The following LYPLAL1 variants were observed in gnomAD, a reference collection of about 807,000 sequenced individuals.
LYPLAL1 encodes lysophospholipase-like protein 1.
LYPLAL1 carries 23 observed loss-of-function variants against 19.7 expected under a neutral mutation model. The observed-to-expected ratio is 1.17, with a 90% confidence interval of 0.84 to 1.65. LYPLAL1 has a LOEUF of 1.65. Ranked by LOEUF, LYPLAL1 falls within the 40% of genes most tolerant of loss-of-function variation. The probability of loss-of-function intolerance (pLI) is 0.00; values close to 1 mark genes in which losing one functional copy is unlikely to be tolerated. For synonymous variants in LYPLAL1, 119 were observed against 96.3 expected, an observed-to-expected ratio of 1.24 and a Z score of -1.38; for missense variants, 355 against 279.4, an observed-to-expected ratio of 1.27 and a Z score of -1.93.
At chr1:219,220,094 A>G in the LYPLAL1 span, among the ~76,000 whole-genome samples, 9 of 152,066 alleles carry the variant, frequency 5.9e-5, no homozygotes, top group African/African-American at 1.9e-4. Context: ...TTCAGAAGCT[A>G]TAACTTCATC....
the LYPLAL1 span, among the ~76,000 whole-genome samples, chr1:219,258,836 C>T: frequency 6.6e-6 from 1 of 151,924 alleles, no homozygotes; most frequent in South Asian, 2.1e-4. Flanking sequence ...AACAGATAAC[C>T]CACAGAGTGG....
At chr1:219,441,948 G>C in the LYPLAL1 span, among the ~76,000 whole-genome samples, 5 of 152,100 alleles carry the variant, frequency 3.3e-5, no homozygotes, top group African/African-American at 4.8e-5. Flanking sequence ...ATCAAAATGA[G>C]AGCAATTCCA....
At chr1:219,374,526 T>C in the LYPLAL1 span, among the ~76,000 whole-genome samples, 8 of 152,042 alleles carry the variant, frequency 5.3e-5, no homozygotes, top group Non-Finnish European at 1.0e-4. Context: ...TAGTTAAGCA[T>C]TAATCAGGCT....
chr1:219,283,466 C>G, the LYPLAL1 span, among the ~76,000 whole-genome samples: 1 of 152,128 alleles, frequency 6.6e-6, no homozygotes, highest in African/African-American at 2.4e-5. Flanking sequence ...CTCTGGGGAG[C>G]AGGACCCAGG....
the LYPLAL1 span, among the ~76,000 whole-genome samples, chr1:219,298,303 C>T: frequency 2.6e-5 from 4 of 152,224 alleles, no homozygotes; most frequent in African/African-American, 9.6e-5. Flanking sequence ...GAGTAAGACC[C>T]TGTCTCAAAA....
the LYPLAL1 span, among the ~76,000 whole-genome samples, chr1:219,219,102 A>C: frequency 2.0e-5 from 3 of 152,174 alleles, no homozygotes; most frequent in Non-Finnish European, 2.9e-5. Flanking sequence ...CAGCATCCAT[A>C]GCTAGTGAAT....
chr1:219,297,417 T>C, the LYPLAL1 span, among the ~76,000 whole-genome samples: 1 of 152,246 alleles, frequency 6.6e-6, no homozygotes, highest in Non-Finnish European at 1.5e-5. Context: ...CCACTACACG[T>C]ATCTCAGATG....
the LYPLAL1 span, among the ~76,000 whole-genome samples, chr1:219,242,938 G>A: frequency 2.6e-5 from 4 of 152,116 alleles, no homozygotes; most frequent in African/African-American, 7.2e-5. Context: ...AGGAGCACCA[G>A]TGTGTGTCAA....
chr1:219,258,074 T>G, the LYPLAL1 span, among the ~76,000 whole-genome samples: 2 of 152,078 alleles, frequency 1.3e-5, no homozygotes, highest in Non-Finnish European at 2.9e-5. Flanking sequence ...TCTATTCTGC[T>G]CAACCCTGCA....
At chr1:219,263,155 G>A in the LYPLAL1 span, among the ~76,000 whole-genome samples, 1 of 152,124 alleles carries the variant, frequency 6.6e-6, no homozygotes, top group Non-Finnish European at 1.5e-5. Context: ...ACTCTCCTTG[G>A]GTCAGGCTTG....
At chr1:219,343,577 A>G in the LYPLAL1 span, among the ~76,000 whole-genome samples, 2 of 152,202 alleles carry the variant, frequency 1.3e-5, no homozygotes, top group African/African-American at 2.4e-5. Flanking sequence ...AAAATGTTGC[A>G]GCTGAAAGAA....
the LYPLAL1 span, among the ~76,000 whole-genome samples, chr1:219,412,439 T>A: frequency 6.6e-6 from 1 of 152,248 alleles, no homozygotes; most frequent in Non-Finnish European, 1.5e-5. Flanking sequence ...CTATTGTTTT[T>A]ACTATTTTTA....
At chr1:219,364,496 C>T in the LYPLAL1 span, among the ~76,000 whole-genome samples, 1 of 151,548 alleles carries the variant, frequency 6.6e-6, no homozygotes, top group Non-Finnish European at 1.5e-5. Flanking sequence ...GTAGCCACTA[C>T]TCCCCACTCT....
the LYPLAL1 span, among the ~76,000 whole-genome samples, chr1:219,367,660 G>A: frequency 2.6e-5 from 4 of 152,132 alleles, no homozygotes; most frequent in South Asian, 2.1e-4. Context: ...TTTGTAGCCC[G>A]TGAACAAGCT....
At chr1:219,430,077 T>C in the LYPLAL1 span, among the ~76,000 whole-genome samples, 1 of 152,150 alleles carries the variant, frequency 6.6e-6, no homozygotes, top group East Asian at 1.9e-4. Flanking sequence ...GCAGATCGCT[T>C]GAACACAGGA....
At chr1:219,376,775 A>T in the LYPLAL1 span, among the ~76,000 whole-genome samples, 3 of 152,338 alleles carry the variant, frequency 2.0e-5, no homozygotes, top group African/African-American at 7.2e-5. Context: ...TCACTTCACG[A>T]TCATTAGAAT....
the LYPLAL1 span, among the ~76,000 whole-genome samples, chr1:219,296,871 A>G: frequency 0.038 from 5,776 of 152,234 alleles, 160 homozygotes; most frequent in Non-Finnish European, 0.055. Flanking sequence ...CTAAGCAACT[A>G]AAGTGCAACG....
At chr1:219,269,200 G>T in the LYPLAL1 span, among the ~76,000 whole-genome samples, 5 of 152,330 alleles carry the variant, frequency 3.3e-5, no homozygotes, top group Admixed American at 2.0e-4. Flanking sequence ...AGTGAAGATG[G>T]GAGAAGGATG....
the LYPLAL1 span, among the ~76,000 whole-genome samples, chr1:219,270,241 G>A: frequency 1.5e-3 from 231 of 152,342 alleles, no homozygotes; most frequent in Non-Finnish European, 2.9e-3. Context: ...GGAAAATTAG[G>A]ACGCAGGCAC....
Sources: allele counts gnomAD v4.1 joint callset (sites outside exome capture counted in the v4.1 genomes callset), GRCh38; gene constraint gnomAD v4.1.1; transcripts MANE v1.5; gene names NCBI Gene and HGNC (gene_info 2026-07-23, HGNC 2026-07-21).